The following C7 variants were observed in gnomAD, a reference collection of about 807,000 sequenced individuals.
C7 encodes complement C7, also known as complement component C7.
C7 carries 83 observed loss-of-function variants against 104.8 expected under a neutral mutation model. The observed-to-expected ratio is 0.79, with a 90% CI of 0.66 to 0.95. The LOEUF (loss-of-function observed/expected upper bound fraction) is 0.95, where lower values mean the gene tolerates loss of function less well. C7 is among the 40% of genes least tolerant of loss of function. C7 has a pLI of 0.00. For synonymous variants in C7, 415 were observed against 360.6 expected, an observed-to-expected ratio of 1.15 and a Z score of -1.71; for missense variants, 1,070 against 1,011.2, an observed-to-expected ratio of 1.06 and a Z score of -0.79.
At position 40,959,429 on chromosome 5, in the gene C7, A is replaced by G. The variant is rs1036513394; in HGVS notation, c.1490-20A>G. 3.1e-6 allele frequency: 5 copies of G among 1,602,776 alleles called. No homozygotes were observed. In the African/African-American group the frequency reaches 6.7e-5, roughly 21 times the overall value. On this transcript the variant is annotated intron_variant, in intron 11 of 17. Coordinates refer to ENST00000313164, the MANE Select transcript of C7 (RefSeq NM_000587.4). Reference sequence around the variant, plus strand: ...GCCCTCTTTAAGAACTTATTGATCAACCTCTTTCTCATCTTGTAGGAGGGG... The same window carrying G: ...GCCCTCTTTAAGAACTTATTGATCAGCCTCTTTCTCATCTTGTAGGAGGGG...
intron 6 of C7, among the ~76,000 whole-genome samples, chr5:40,942,316 A>G (rs961854401): frequency 6.6e-6 from 1 of 152,218 alleles, no homozygotes; most frequent in African/African-American, 2.4e-5. Context: ...AGAGCAAGAA[A>G]AATGGAAGCT....
intron 13 of C7, among the ~76,000 whole-genome samples, chr5:40,964,258 G>C (rs929376181): frequency 1.3e-5 from 2 of 151,788 alleles, no homozygotes; most frequent in African/African-American, 4.8e-5. Flanking sequence ...GGCCAGGCTG[G>C]TCTCGAACTC....
At position 40,949,956 on chromosome 5, in the gene C7, C is replaced by T. The variant is rs377251576; in HGVS notation, c.1035C>T (p.Val345=). The T allele has an allele frequency of 2.3e-5, 37 of 1,601,098 alleles. No homozygotes were observed. Among genetic ancestry groups the T allele is most frequent in the Non-Finnish European group, 2.8e-5 (33 of 1,173,280 alleles). The change falls in exon 9 of 18, where the codon GTC becomes GTT. Residue 345 remains valine, a synonymous_variant. Transcript: ENST00000313164. ...KKCKSSGWHF[V]VKFSSHGCKE... Reference sequence around the variant, plus strand: ...GTAAATCCTCAGGTTGGCATTTTGTCGTTAAATTTTCAAGTCATGGATGCA... The same window carrying T: ...GTAAATCCTCAGGTTGGCATTTTGTTGTTAAATTTTCAAGTCATGGATGCA...
At chr5:40,921,256 A>G (rs1266870377) in intron 1 of C7, among the ~76,000 whole-genome samples, 1 of 152,172 alleles carries the variant, frequency 6.6e-6, no homozygotes, top group Non-Finnish European at 1.5e-5. Context: ...TTAATCAAAG[A>G]AGTTAAAGAT....
chr5:40,958,735 A>T (rs1740356987), intron 11 of C7, among the ~76,000 whole-genome samples: 1 of 152,216 alleles, frequency 6.6e-6, no homozygotes, highest in Admixed American at 6.5e-5. Context: ...CACTTAGTAC[A>T]GGGCTATGTG....
At chr5:40,937,415 C>A in intron 5 of C7, 137 bp from the exon 6 acceptor site, 1 of 755,214 alleles carries the variant, frequency 1.3e-6, no homozygotes, top group East Asian at 2.8e-5. Flanking sequence ...CATTTGAACT[C>A]TCTCAAAGAA....
chr5:40,934,811 C>T (rs1370973704), intron 4 of C7, among the ~76,000 whole-genome samples: 1 of 152,070 alleles, frequency 6.6e-6, no homozygotes, highest in Non-Finnish European at 1.5e-5. Flanking sequence ...AATGTTACTG[C>T]CTAAATTATT....
At chr5:40,955,689 G>C in intron 10 of C7, 136 bp downstream of exon 10, 1 of 681,054 alleles carries the variant, frequency 1.5e-6, no homozygotes, top group South Asian at 2.4e-5. Context: ...ATATTTTGTA[G>C]AGTAAAATGA....
chr5:40,958,168 G>C lies in C7; in HGVS notation c.1396G>C (p.Ala466Pro). 1 of 1,613,808 alleles carries C rather than the reference G, an allele frequency of 6.2e-7. No homozygotes were observed. Among genetic ancestry groups the C allele is most frequent in the Middle Eastern group, 1.6e-4 (1 of 6,062 alleles). The part of the protein sequence containing the change: ...HCRPCQNGGL[A>P]TVEGTHCLCH... ...CCGGCCTTGTCAAAATGGTGGTTTGGCTACTGTTGAGGGGACCCATTGTCT... is the reference window on the plus strand; with the variant it reads ...CCGGCCTTGTCAAAATGGTGGTTTGCCTACTGTTGAGGGGACCCATTGTCT... Residue 466 changes from alanine (A) to proline (P), a missense_variant, in exon 11 of 18, where the codon GCT becomes CCT. Transcript: ENST00000313164.
intron 11 of C7, among the ~76,000 whole-genome samples, chr5:40,958,734 C>T (rs1204118065): frequency 6.6e-6 from 1 of 152,156 alleles, no homozygotes; most frequent in Non-Finnish European, 1.5e-5. Flanking sequence ...GCACTTAGTA[C>T]AGGGCTATGT....
chr5:40,984,512 C>T lies in C7; in HGVS notation c.*2939C>T, dbSNP rs1376417896. Among the ~76,000 whole-genome samples, 1 of 152,186 alleles carries T rather than the reference C, an allele frequency of 6.6e-6. No homozygotes were observed. Among genetic ancestry groups the T allele is most frequent in the Non-Finnish European group, 1.5e-5 (1 of 68,028 alleles). On this transcript the variant is annotated 3_prime_UTR_variant, in exon 18 of 18. Coordinates refer to ENST00000313164, the MANE Select transcript of C7 (RefSeq NM_000587.4). ...AGTGCTGAGCAGCTGGTTTATACAG[C>T]ATTCCCTGAAACAGCCTAGTATGTG...
chr5:40,912,043 C>T (rs879673820), intron 1 of C7, among the ~76,000 whole-genome samples: 19 of 152,056 alleles, frequency 1.2e-4, no homozygotes, highest in Admixed American at 1.0e-3. Context: ...CCACCACGCC[C>T]GGCCCCACAT....
chr5:40,978,145 A>G (rs2084625), intron 16 of C7, among the ~76,000 whole-genome samples: 250 of 101,930 alleles, frequency 2.5e-3, no homozygotes, highest in Middle Eastern at 7.8e-3. Flanking sequence ...AAAAAGAAAA[A>G]AAAAAAAAAA....
intron 8 of C7, among the ~76,000 whole-genome samples, chr5:40,949,005 T>C (rs1740108658): frequency 6.6e-6 from 1 of 152,086 alleles, no homozygotes; most frequent in African/African-American, 2.4e-5. Flanking sequence ...AGTGCACAAG[T>C]ACAGGTTTTT....
At chr5:40,955,067 G>C (rs767599805) in intron 9 of C7, among the ~76,000 whole-genome samples, 1 of 152,128 alleles carries the variant, frequency 6.6e-6, no homozygotes, top group African/African-American at 2.4e-5. Context: ...TGGAACATTT[G>C]TTACAATGGA....
chr5:40,950,498 AC>A (rs1415078196), intron 9 of C7, among the ~76,000 whole-genome samples: 2 of 147,600 alleles, frequency 1.4e-5, no homozygotes, highest in Non-Finnish European at 2.9e-5. Context: ...GTGAATAATT[AC>A]AAGCCTAACC....
intron 7 of C7, among the ~76,000 whole-genome samples, chr5:40,945,875 C>CAT (rs58480949): frequency 0.033 from 4,196 of 127,048 alleles, 69 homozygotes; most frequent in Non-Finnish European, 0.045. Flanking sequence ...AAAAAAAATA[C>CAT]ATATATATAT....
chr5:40,945,435 C>A lies in C7; in HGVS notation c.738+67C>A, dbSNP rs186835462. ...TTTAAGTATTGCTTACATTAATAAA[C>A]TTGTATTTATCAAAAGGATCAGCTT... is the stretch of plus-strand genomic sequence containing the variant. On this transcript the variant is annotated intron_variant, in intron 7 of 17. Transcript: ENST00000313164. 6.9e-5 allele frequency: 72 copies of A among 1,044,186 alleles called. No individual in the cohort carries two copies. In the East Asian group the frequency reaches 1.9e-3, roughly 27 times the overall value. The allele number at this position is 1,044,186 out of a possible 1,614,324, so 64.7% of individuals were successfully genotyped here. A position where few individuals can be genotyped will look rare whatever the true frequency, so the allele number is the denominator to read the frequency against.
chr5:40,974,134 T>A (rs1302266179), intron 15 of C7, among the ~76,000 whole-genome samples: 1 of 152,210 alleles, frequency 6.6e-6, no homozygotes, highest in East Asian at 1.9e-4. Flanking sequence ...TAATTCCCAT[T>A]GTTGTGCAAC....
Sources: gnomAD v4.1 joint callset for allele counts (sites outside exome capture counted in the v4.1 genomes callset) on GRCh38, gnomAD v4.1.1 for gene constraint, MANE v1.5 for transcripts, NCBI Gene and HGNC (gene_info 2026-07-23, HGNC 2026-07-21) for gene names.